The following RGMB variants were observed in gnomAD, a reference collection of about 807,000 sequenced individuals.
The protein encoded by RGMB is repulsive guidance molecule BMP co-receptor b.
A neutral mutation model predicts 26.9 loss-of-function variants in RGMB; 16 were observed. The observed-to-expected ratio is 0.60, with a 90% CI of 0.40 to 0.90. RGMB has a LOEUF of 0.90. Among genes scored for constraint, RGMB ranks in the 40% least tolerant of loss-of-function variants. RGMB has a pLI of 0.00. For synonymous variants in RGMB, 225 were observed against 229.3 expected, an observed-to-expected ratio of 0.98 and a Z score of 0.17; for missense variants, 512 against 573.3, an observed-to-expected ratio of 0.89 and a Z score of 1.09.
chr5:98,773,029 C>G (rs761467089), upstream of RGMB: 2 of 152,234 alleles, frequency 1.3e-5, no homozygotes, highest in Non-Finnish European at 2.9e-5. Flanking sequence ...CCCAGCCCAT[C>G]CTATCTGCTC....
rs529250548 is a variant in RGMB, at chr5:98,794,495, G to A, written c.*742G>A. 3.9e-5 allele frequency: 6 copies of A among 152,316 alleles called. No homozygotes were observed. The highest frequency in any genetic ancestry group is 1.4e-4 in the African/African-American group (6 of 41,568). 9.4% of individuals were successfully genotyped at this position (152,316 alleles called of 1,614,324 possible). On this transcript the variant is annotated 3_prime_UTR_variant, in exon 3 of 3. Transcript: ENST00000513185. ...AAAAGGGTCTAGTGATGGAAGTTTT[G>A]TAGATAAGTACCAGGCATCTCAGTA...
At chr5:98,770,701 T>C, upstream of RGMB, 1 of 1,405,804 alleles carries the variant, frequency 7.1e-7, no homozygotes, top group Non-Finnish European at 9.4e-7. Context: ...ATTTCTCAAG[T>C]CGCCCGCTTG....
chr5:98,780,274 C>T (rs1214008211), intron 2 of RGMB, 186 bp downstream of exon 2: 8 of 560,948 alleles, frequency 1.4e-5, no homozygotes, highest in Non-Finnish European at 2.5e-5. Flanking sequence ...GGAATGTAAA[C>T]GTGGTTCTAA....
At chr5:98,769,986 CCT>C (rs1333834733), upstream of RGMB, 1 of 152,414 alleles carries the variant, frequency 6.6e-6, no homozygotes, top group African/African-American at 2.4e-5. Flanking sequence ...CACCGAAGTC[CCT>C]CCCCGGCGCC....
At chr5:98,788,841 A>T (rs936523552) in intron 2 of RGMB, among the ~76,000 whole-genome samples, 2 of 152,168 alleles carry the variant, frequency 1.3e-5, no homozygotes, top group African/African-American at 4.8e-5. Context: ...GAATGGAGAG[A>T]GAGCATGTAT....
chr5:98,779,904 A>G lies in RGMB; in HGVS notation c.461A>G (p.Asp154Gly), dbSNP rs754196102. The stretch of plus-strand genomic sequence containing the variant: ...GGAGCCAGGGAACACAGGAGAGGGG[A>G]CCAGAACCCTCCCAGTTACCTTTTT... The part of the protein sequence containing the change: ...HAGAREHRRG[D>G]QNPPSYLFCG... Residue 154 changes from aspartate (D) to glycine (G), a missense_variant, in exon 2 of 3, where the codon GAC becomes GGC. By Grantham distance (94) the Asp-to-Gly change is moderately conservative (BLOSUM62 -1). Transcript: ENST00000513185. 3 of 1,613,936 alleles carry G rather than the reference A, an allele frequency of 1.9e-6. No individual in the cohort carries two copies. Among genetic ancestry groups the G allele is most frequent in the South Asian group, 2.2e-5 (2 of 91,068 alleles).
Position 98,773,782 on chromosome 5 carries a change from C to G in RGMB, c.-289C>G. 1 of 418,846 alleles carries G rather than the reference C, an allele frequency of 2.4e-6. No homozygotes were observed. Among genetic ancestry groups the G allele is most frequent in the East Asian group, 3.8e-5 (1 of 26,152 alleles). 25.9% of individuals were successfully genotyped at this position (418,846 alleles called of 1,614,324 possible). A position where few individuals can be genotyped will look rare whatever the true frequency, so the allele number is the denominator to read the frequency against. On this transcript the variant is annotated 5_prime_UTR_variant, in exon 1 of 3. Coordinates refer to ENST00000513185, the MANE Select transcript of RGMB (RefSeq NM_001366508.1). ...GTGCCGGCGCGCTCGGGACTCGTCT[C>G]AGCAGTCGCTCACGGTCTTTGTGTC...
rs768574624 is a variant in RGMB, at chr5:98,780,097, A to G, written c.645+9A>G. The G allele has an allele frequency of 9.4e-6, 15 of 1,596,590 alleles. No individual in the cohort carries two copies. ...CTACTGCTACAAATAAGGCAAGTATACCTTCTTTTTTCCCTCTCCCTACTC... is the reference window on the plus strand; with the variant it reads ...CTACTGCTACAAATAAGGCAAGTATGCCTTCTTTTTTCCCTCTCCCTACTC... On this transcript the variant is annotated intron_variant, in intron 2 of 2. Transcript: ENST00000513185.
At chr5:98,772,959 T>C (rs2112330255), upstream of RGMB, 1 of 152,298 alleles carries the variant, frequency 6.6e-6, no homozygotes, top group Non-Finnish European at 1.5e-5. Context: ...AATGTCAAAC[T>C]AGAACACCTG....
rs1201037646 is a variant in RGMB at position 98,795,298 on chromosome 5, C to T, written c.*1545C>T. 6.6e-6 allele frequency: 1 copy of T among 152,196 alleles called. No individual in the cohort carries two copies. Among genetic ancestry groups the T allele is most frequent in the Non-Finnish European group, 1.5e-5 (1 of 68,044 alleles). The allele number at this position is 152,196 out of a possible 1,614,324, so 9.4% of individuals were successfully genotyped here. A position where few individuals can be genotyped will look rare whatever the true frequency, so the allele number is the denominator to read the frequency against. ...TTTACATAAACAGAAATAAAAGATA[C>T]TATCTTTACCGTAGTAGTTCAGGCC... On this transcript the variant is annotated 3_prime_UTR_variant, in exon 3 of 3. Transcript: ENST00000513185.
At position 98,793,802 on chromosome 5, in the gene RGMB, T is replaced by A; in HGVS notation, c.*49T>A. The A allele has an allele frequency of 7.7e-7, 1 of 1,306,384 alleles. No homozygotes were observed. The highest frequency in any genetic ancestry group is 1.0e-6 in the Non-Finnish European group (1 of 963,954). 80.9% of individuals were successfully genotyped at this position (1,306,384 alleles called of 1,614,324 possible). A position where few individuals can be genotyped will look rare whatever the true frequency, so the allele number is the denominator to read the frequency against. On this transcript the variant is annotated 3_prime_UTR_variant, in exon 3 of 3. Coordinates refer to ENST00000513185, the MANE Select transcript of RGMB (RefSeq NM_001366508.1). ...TTATTTTTTGTCTATAACAAAATTT[T>A]AAAATATATATTGTCATAATATATT...
chr5:98,771,187 G>T (rs1464009714), upstream of RGMB: 2 of 152,560 alleles, frequency 1.3e-5, no homozygotes, highest in African/African-American at 2.4e-5. Context: ...CTTCCTTTCT[G>T]AAAACAAAGA....
chr5:98,783,318 C>G lies in RGMB; in HGVS notation c.645+3230C>G, dbSNP rs533168456. ...ACCTCGGCTGACATCCACATCAGCT[C>G]TGGGCCATCTTCCCCACCTTTGGCT... On this transcript the variant is annotated intron_variant, in intron 2 of 2. Transcript: ENST00000513185. Among the ~76,000 whole-genome samples, 6 of 152,322 alleles carry G rather than the reference C, an allele frequency of 3.9e-5. No individual in the cohort carries two copies. In the South Asian group the frequency reaches 8.3e-4, roughly 21 times the overall value.
At chr5:98,788,008 C>T (rs923608419) in intron 2 of RGMB, among the ~76,000 whole-genome samples, 1 of 152,198 alleles carries the variant, frequency 6.6e-6, no homozygotes, top group Non-Finnish European at 1.5e-5. Flanking sequence ...GCCAAGGCAG[C>T]CCCTGTTTTT....
At chr5:98,791,798 C>G (rs1291601878) in intron 2 of RGMB, among the ~76,000 whole-genome samples, 1 of 152,178 alleles carries the variant, frequency 6.6e-6, no homozygotes, top group African/African-American at 2.4e-5. Context: ...CTTCCCTCCA[C>G]CACCTGTACC....
upstream of RGMB, chr5:98,771,015 T>C (rs1046553906): frequency 2.3e-5 from 6 of 260,528 alleles, no homozygotes; most frequent in Admixed American, 5.4e-5. Flanking sequence ...ACATATTAAC[T>C]GGAGAACAGT....
intron 2 of RGMB, among the ~76,000 whole-genome samples, chr5:98,788,682 G>A (rs536316862): frequency 2.7e-4 from 41 of 152,210 alleles, no homozygotes; most frequent in Non-Finnish European, 5.4e-4. Flanking sequence ...TTACCCTGGC[G>A]GGTAGGGAGG....
At chr5:98,777,517 A>G (rs140010201) in intron 1 of RGMB, among the ~76,000 whole-genome samples, 5 of 152,340 alleles carry the variant, frequency 3.3e-5, no homozygotes, top group Non-Finnish European at 7.3e-5. Context: ...TGGAAGAACA[A>G]CAAGTTTTGA....
intron 2 of RGMB, among the ~76,000 whole-genome samples, chr5:98,782,738 G>A (rs1221822408): frequency 6.6e-6 from 1 of 152,004 alleles, no homozygotes; most frequent in African/African-American, 2.4e-5. Flanking sequence ...TAGACCCCAG[G>A]GTATTTTGCT....
Sources: gnomAD v4.1 joint callset for allele counts (sites outside exome capture counted in the v4.1 genomes callset) on GRCh38, gnomAD v4.1.1 for gene constraint, MANE v1.5 for transcripts, NCBI Gene and HGNC (gene_info 2026-07-23, HGNC 2026-07-21) for gene names.